NELL2: variants seen among roughly 807,000 people sequenced by gnomAD.
NELL2 encodes the protein protein kinase C-binding protein NELL2.
In NELL2, 41 loss-of-function variants were observed where a neutral mutation model predicts 109.6. That is an observed-to-expected ratio of 0.37 (90% CI 0.29 to 0.49). The LOEUF is 0.49. Ranked by LOEUF, NELL2 falls within the 20% of genes least tolerant of loss-of-function variation. NELL2 has a pLI of 0.98. For missense variants in NELL2, 900 were observed against 1,008.3 expected (o/e 0.89, Z 1.45); for synonymous variants, 355 against 344.7 (o/e 1.03, Z -0.33).
intron 2 of NELL2, among the ~76,000 whole-genome samples, chr12:44,861,405 T>G (rs544687961): frequency 6.6e-6 from 1 of 152,266 alleles, no homozygotes; most frequent in South Asian, 2.1e-4. Flanking sequence ...GGCTCCAGGC[T>G]GGCCAATCAG....
chr12:44,727,185 G>A (rs984452865), intron 9 of NELL2, among the ~76,000 whole-genome samples: 5 of 151,970 alleles, frequency 3.3e-5, no homozygotes, highest in African/African-American at 1.2e-4. Context: ...TTGCACATAG[G>A]GAAATTGTTG....
chr12:44,667,547 A>G (rs1429258979), intron 12 of NELL2, among the ~76,000 whole-genome samples: 3 of 152,240 alleles, frequency 2.0e-5, no homozygotes, highest in African/African-American at 7.2e-5. Context: ...CTTCTGACGT[A>G]AGGCATAACC....
At chr12:44,714,876 C>T (rs896370833) in intron 9 of NELL2, 135 bp from the exon 10 acceptor site, 2 of 452,966 alleles carry the variant, frequency 4.4e-6, no homozygotes, top group African/African-American at 4.1e-5. Flanking sequence ...AACCTCAATT[C>T]AATCTACTGC....
intron 9 of NELL2, among the ~76,000 whole-genome samples, chr12:44,774,203 G>T (rs545040104): frequency 6.6e-6 from 1 of 152,298 alleles, no homozygotes; most frequent in South Asian, 2.1e-4. Flanking sequence ...TCTGACAACC[G>T]AAGTGAACTG....
At position 44,769,645 on chromosome 12, in the gene NELL2, G is replaced by C. The variant is rs567449373; in HGVS notation, c.994+5102C>G. On this transcript the variant is annotated intron_variant, in intron 9 of 19. Transcript: ENST00000429094. ...ACCCATCAAATACATACATAACTAA[G>C]ACCAAGAAACATGTAAAGAATTATT... 1.2e-4 allele frequency among the ~76,000 whole-genome samples: 18 copies of C among 152,058 alleles called. 1 individual carries two copies. The highest frequency in any genetic ancestry group is 1.0e-3 in the Admixed American group (16 of 15,264).
At chr12:44,548,149 C>T (rs1473531338) in intron 15 of NELL2, among the ~76,000 whole-genome samples, 1 of 152,088 alleles carries the variant, frequency 6.6e-6, no homozygotes, top group Admixed American at 6.6e-5. Context: ...TAAAGTCATC[C>T]TCAGCAAATA....
intron 2 of NELL2, among the ~76,000 whole-genome samples, chr12:44,820,950 C>T (rs1225061838): frequency 6.6e-6 from 1 of 151,844 alleles, no homozygotes. Context: ...CTGAGTAAAT[C>T]ACAGGAGTCA....
rs191167563 is a variant in NELL2, at chr12:44,708,313, G to A, written c.1189+2979C>T. On this transcript the variant is annotated intron_variant, in intron 11 of 19. Coordinates refer to ENST00000429094, the MANE Select transcript of NELL2 (RefSeq NM_001145108.2). Reference sequence around the variant, plus strand: ...CAGTCTTGGGTGAATTTGATTTAGCGCCTACCAATTTGGAGCCTGACTTCG... The same window carrying A: ...CAGTCTTGGGTGAATTTGATTTAGCACCTACCAATTTGGAGCCTGACTTCG... 3.1e-3 allele frequency among the ~76,000 whole-genome samples: 468 copies of A among 152,246 alleles called. 4 individuals are homozygous for A. The highest frequency in any genetic ancestry group is 4.0e-3 in the Non-Finnish European group (269 of 67,994).
intron 3 of NELL2, among the ~76,000 whole-genome samples, chr12:44,799,425 G>A (rs367700137): frequency 4.9e-4 from 74 of 151,990 alleles, no homozygotes; most frequent in South Asian, 4.2e-3. Context: ...GCAACTCAAA[G>A]GATGTTAATG....
At chr12:44,730,214 T>C (rs1022064189) in intron 9 of NELL2, among the ~76,000 whole-genome samples, 6 of 152,142 alleles carry the variant, frequency 3.9e-5, no homozygotes, top group Non-Finnish European at 4.4e-5. Flanking sequence ...TCCCTACTTT[T>C]AATCATGAAT....
chr12:44,588,702 T>C (rs1026325767), intron 15 of NELL2, among the ~76,000 whole-genome samples: 16 of 152,242 alleles, frequency 1.1e-4, no homozygotes, highest in Non-Finnish European at 2.2e-4. Flanking sequence ...TTCCATATTT[T>C]AACCATATTC....
chr12:44,509,043 A>G (rs1310540326), intron 19 of NELL2, 59 bp from the exon 20 acceptor site: 4 of 1,365,912 alleles, frequency 2.9e-6, no homozygotes, highest in Non-Finnish European at 4.2e-6. Flanking sequence ...TTAGTAAATG[A>G]TCACATTTAT....
intron 12 of NELL2, among the ~76,000 whole-genome samples, chr12:44,679,459 C>G (rs1948425759): frequency 6.6e-6 from 1 of 152,050 alleles, no homozygotes; most frequent in South Asian, 2.1e-4. Context: ...TGTGAATCCA[C>G]CACCTGACAT....
rs757244074 is a variant in NELL2, at chr12:44,861,162, TTTACG to T, written c.184+14058_184+14062del. Among the ~76,000 whole-genome samples, 3 of 152,238 alleles carry T rather than the reference TTTACG, an allele frequency of 2.0e-5. No homozygotes were observed. In the East Asian group the frequency reaches 5.8e-4, roughly 29 times the overall value. On this transcript the variant is annotated intron_variant, in intron 2 of 19. Transcript: ENST00000429094. ...TACTGAAGAGAGCAGTAAGGACAAT[TTTACG>T]TTACCCATCTCACCTTTCCCCAGTG...
chr12:44,508,830 G>T lies in NELL2; in HGVS notation c.*104C>A. 1.1e-6 allele frequency: 1 copy of T among 915,972 alleles called. No homozygotes were observed. The highest frequency in any genetic ancestry group is 2.5e-5 in the East Asian group (1 of 40,470). 56.7% of individuals were successfully genotyped at this position (915,972 alleles called of 1,614,324 possible). On this transcript the variant is annotated 3_prime_UTR_variant, in exon 20 of 20. Coordinates refer to ENST00000429094, the MANE Select transcript of NELL2 (RefSeq NM_001145108.2). ...AGTTCACTCAGCTATTAACAAAGCT[G>T]CATTTAGCTGCCCACAAATCACCCA...
At chr12:44,811,337 TAAAA>T (rs10683929) in intron 3 of NELL2, among the ~76,000 whole-genome samples, 11 of 103,184 alleles carry the variant, frequency 1.1e-4, no homozygotes, top group South Asian at 3.5e-4. Flanking sequence ...GAACTAAAAG[TAAAA>T]AAAAAAAAAA....
At chr12:44,744,333 C>T (rs1940193108) in intron 9 of NELL2, among the ~76,000 whole-genome samples, 1 of 151,800 alleles carries the variant, frequency 6.6e-6, no homozygotes, top group Non-Finnish European at 1.5e-5. Flanking sequence ...CACTAAATGC[C>T]CACAAGAGAA....
intron 13 of NELL2, among the ~76,000 whole-genome samples, chr12:44,620,100 A>G (rs1290742284): frequency 6.8e-6 from 1 of 147,296 alleles, no homozygotes; most frequent in East Asian, 2.0e-4. Context: ...GTATTTTGTT[A>G]TTCTTGTTCG....
At chr12:44,568,695 A>G (rs1943751734) in intron 15 of NELL2, among the ~76,000 whole-genome samples, 1 of 151,980 alleles carries the variant, frequency 6.6e-6, no homozygotes. Context: ...CCACAGGCTC[A>G]TTTGTGATTC....
Sources: gnomAD v4.1 joint callset for allele counts (sites outside exome capture counted in the v4.1 genomes callset) on GRCh38, gnomAD v4.1.1 for gene constraint, MANE v1.5 for transcripts, NCBI Gene and HGNC (gene_info 2026-07-23, HGNC 2026-07-21) for gene names.